NCAPD3: variants seen among roughly 807,000 people sequenced by gnomAD.
NCAPD3 encodes condensin-2 complex subunit D3.
A neutral mutation model predicts 182.9 loss-of-function variants in NCAPD3; 105 were observed. The observed-to-expected ratio is 0.57, with a 90% CI of 0.49 to 0.68. NCAPD3 has a LOEUF of 0.68. Among genes scored for constraint, NCAPD3 ranks in the 30% least tolerant of loss-of-function variants. The pLI is 0.00. For missense variants in NCAPD3, 1,944 were observed against 1,837.0 expected (o/e 1.06, Z -1.07); for synonymous variants, 815 against 679.9 (o/e 1.20, Z -3.09).
intron 13 of NCAPD3, among the ~76,000 whole-genome samples, chr11:134,202,531 C>T (rs1197410951): frequency 6.6e-6 from 1 of 152,054 alleles, no homozygotes; most frequent in Non-Finnish European, 1.5e-5. Flanking sequence ...GGGCACACCA[C>T]CACGCCCAGC....
At position 134,206,663 on chromosome 11, in the gene NCAPD3, G is replaced by A. The variant is rs375103050; in HGVS notation, c.952C>T (p.Arg318Cys). 91 of 1,613,482 alleles carry A rather than the reference G, an allele frequency of 5.6e-5. No individual in the cohort carries two copies. Among genetic ancestry groups the A allele is most frequent in the Non-Finnish European group, 7.2e-5 (85 of 1,179,744 alleles). Reference sequence around the variant, plus strand: ...TGGGAGGTAACAGCAAGGGGGGCACGATGGGATCCTTCACCAACTTCTAAC... The same window carrying A: ...TGGGAGGTAACAGCAAGGGGGGCACAATGGGATCCTTCACCAACTTCTAAC... ...LMLEVGEGSH[R>C]APLAVTSQVI... Residue 318 changes from arginine (R) to cysteine (C), a missense_variant, in exon 8 of 35, where the codon CGT becomes TGT. Arg to Cys is a radical substitution (Grantham distance 180). This residue lies in a region of NCAPD3 where 1,803 missense variants were observed against 1,674.6 expected (regional missense o/e 1.08). Transcript: ENST00000534548.
chr11:134,215,521 A>G (rs1173476937), intron 3 of NCAPD3, among the ~76,000 whole-genome samples: 1 of 152,238 alleles, frequency 6.6e-6, no homozygotes, highest in Non-Finnish European at 1.5e-5. Flanking sequence ...AAACCAAAAT[A>G]AAATTAAGAA....
chr11:134,151,685 G>A lies in NCAPD3; in HGVS notation c.*1259C>T, dbSNP rs1430364505. The A allele has an allele frequency of 2.6e-5, 4 of 152,222 alleles. No individual in the cohort carries two copies. Among genetic ancestry groups the A allele is most frequent in the Non-Finnish European group, 4.4e-5 (3 of 68,052 alleles). 9.4% of individuals were successfully genotyped at this position (152,222 alleles called of 1,614,324 possible). Reference sequence around the variant, plus strand: ...GATGTTGCTGTACACAGATGCTACAGACTTGTACTAACACACCGTAATTTG... The same window carrying A: ...GATGTTGCTGTACACAGATGCTACAAACTTGTACTAACACACCGTAATTTG... On this transcript the variant is annotated 3_prime_UTR_variant, in exon 35 of 35. Transcript: ENST00000534548.
At chr11:134,221,068 T>A (rs1159078555) in intron 1 of NCAPD3, among the ~76,000 whole-genome samples, 1 of 152,232 alleles carries the variant, frequency 6.6e-6, no homozygotes, top group Admixed American at 6.5e-5. Context: ...GTTAATCAGA[T>A]TGCCCACGAG....
chr11:134,206,784 C>G, intron 7 of NCAPD3, 52 bp from the exon 8 acceptor site: 1 of 1,563,350 alleles, frequency 6.4e-7, no homozygotes, highest in Non-Finnish European at 8.7e-7. Context: ...ACACAAGGGT[C>G]TCAGACATAG....
chr11:134,161,616 C>T (rs1943581810), intron 28 of NCAPD3, among the ~76,000 whole-genome samples, 165 bp downstream of exon 28: 1 of 152,174 alleles, frequency 6.6e-6, no homozygotes, highest in South Asian at 2.1e-4. Context: ...TTGGTGGAAC[C>T]CACAGCCAAC....
chr11:134,165,364 C>T (rs970458463), intron 27 of NCAPD3, among the ~76,000 whole-genome samples: 6 of 148,250 alleles, frequency 4.0e-5, no homozygotes, highest in South Asian at 2.1e-4. Context: ...TTGGGAAGGG[C>T]GCACTCGTGA....
At chr11:134,206,169 G>A (rs754228816) in intron 8 of NCAPD3, among the ~76,000 whole-genome samples, 1 of 152,190 alleles carries the variant, frequency 6.6e-6, no homozygotes, top group Admixed American at 6.5e-5. Context: ...CATTTCTACA[G>A]AGGGAAAGGA....
At chr11:134,208,587 G>T (rs146036390) in intron 7 of NCAPD3, among the ~76,000 whole-genome samples, 3 of 152,306 alleles carry the variant, frequency 2.0e-5, no homozygotes, top group Non-Finnish European at 4.4e-5. Flanking sequence ...CAGTTTATCT[G>T]TTCCTCCTAT....
At chr11:134,206,057 G>T (rs1451049397) in intron 8 of NCAPD3, among the ~76,000 whole-genome samples, 2 of 152,178 alleles carry the variant, frequency 1.3e-5, no homozygotes, top group African/African-American at 4.8e-5. Flanking sequence ...TGAAACTAAG[G>T]CATGAGAGTT....
chr11:134,153,638 C>T (rs1401300704), intron 32 of NCAPD3: 2 of 505,436 alleles, frequency 4.0e-6, no homozygotes, highest in Non-Finnish European at 7.2e-6. Flanking sequence ...TTCCCTCCCG[C>T]CGTCTTCCAT....
intron 21 of NCAPD3, 34 bp from the exon 22 acceptor site, chr11:134,178,775 C>A: frequency 6.2e-7 from 1 of 1,608,496 alleles, no homozygotes; most frequent in Non-Finnish European, 8.5e-7. Context: ...ACCGACAGAA[C>A]CTTGAAACGG....
intron 8 of NCAPD3, 74 bp from the exon 9 acceptor site, chr11:134,205,045 T>C: frequency 8.8e-7 from 1 of 1,131,270 alleles, no homozygotes; most frequent in Non-Finnish European, 1.3e-6. Context: ...TACTCCTATA[T>C]TTAGAAATCC....
chr11:134,193,682 G>C (rs1397200751), intron 15 of NCAPD3, among the ~76,000 whole-genome samples: 1 of 152,158 alleles, frequency 6.6e-6, no homozygotes, highest in Non-Finnish European at 1.5e-5. Flanking sequence ...GAACCTGAGA[G>C]GCAGAAGTTG....
intron 3 of NCAPD3, among the ~76,000 whole-genome samples, chr11:134,216,689 CCTT>C (rs747230263): frequency 1.2e-4 from 18 of 152,052 alleles, no homozygotes; most frequent in South Asian, 2.1e-4. Flanking sequence ...CTCTTGCACT[CCTT>C]CTCAGACTAT....
Position 134,192,148 on chromosome 11 carries a change from G to A in NCAPD3, c.2045+541C>T, listed in dbSNP as rs147865691. ...GCTCAGAGAAAGTGATTTTTGCCAA[G>A]GCTGCAGAATGGTATTTTTTGATAC... On this transcript the variant is annotated intron_variant, in intron 16 of 34. Coordinates refer to ENST00000534548, the MANE Select transcript of NCAPD3 (RefSeq NM_015261.3). Among the ~76,000 whole-genome samples, 637 of 152,298 alleles carry A rather than the reference G, an allele frequency of 4.2e-3. 4 individuals carry two copies. The highest frequency in any genetic ancestry group is 0.015 in the African/African-American group (610 of 41,558).
intron 17 of NCAPD3, 56 bp downstream of exon 17, chr11:134,185,279 G>C (rs1462846050): frequency 4.6e-5 from 67 of 1,449,280 alleles, no homozygotes; most frequent in Non-Finnish European, 6.0e-5. Flanking sequence ...TTAAGTCTTG[G>C]GCTTTGTTTC....
chr11:134,153,693 T>A, intron 32 of NCAPD3: 2 of 379,194 alleles, frequency 5.3e-6, no homozygotes, highest in Non-Finnish European at 9.9e-6. Context: ...TTACTACACC[T>A]CCTACTGTGG....
At chr11:134,167,648 T>C (rs1349221629) in intron 27 of NCAPD3, among the ~76,000 whole-genome samples, 1 of 99,422 alleles carries the variant, frequency 1.0e-5, no homozygotes, top group African/African-American at 4.1e-5. Flanking sequence ...GAGATGAGCT[T>C]GGGGGAGCAG....
Sources: gnomAD v4.1 joint callset for allele counts (sites outside exome capture counted in the v4.1 genomes callset) on GRCh38, gnomAD v4.1.1 for gene constraint, gnomAD v4.1.1 regional missense constraint, MANE v1.5 for transcripts, NCBI Gene and HGNC (gene_info 2026-07-23, HGNC 2026-07-21) for gene names.